LIMCH1: variants seen among roughly 807,000 people sequenced by gnomAD.
LIMCH1 encodes LIM and calponin homology domains-containing protein 1.
Under a neutral mutation model 176.5 loss-of-function variants are expected in LIMCH1, and 113 were observed. That is an observed-to-expected ratio of 0.64 (90% CI 0.55 to 0.75). LIMCH1 has a LOEUF of 0.75. Among genes scored for constraint, LIMCH1 ranks in the 30% least tolerant of loss-of-function variants. The pLI is 0.00. For missense variants in LIMCH1, 1,674 were observed against 1,814.9 expected (o/e 0.92, Z 1.41); for synonymous variants, 619 against 645.9 (o/e 0.96, Z 0.63).
At chr4:41,374,895 C>G (rs77696221) in intron 1 of LIMCH1, among the ~76,000 whole-genome samples, 3,615 of 152,288 alleles carry the variant, frequency 0.024, 73 homozygotes, top group Middle Eastern at 0.051. Flanking sequence ...TCTTTACACC[C>G]TCTGGGCAGA....
At chr4:41,504,191 C>T (rs2073841910) in intron 2 of LIMCH1, among the ~76,000 whole-genome samples, 1 of 152,210 alleles carries the variant, frequency 6.6e-6, no homozygotes, top group Non-Finnish European at 1.5e-5. Context: ...TCTGTCCAAC[C>T]TCAGGGTCTG....
At chr4:41,466,604 T>C (rs1219329972) in intron 1 of LIMCH1, among the ~76,000 whole-genome samples, 11 of 152,210 alleles carry the variant, frequency 7.2e-5, no homozygotes, top group African/African-American at 1.9e-4. Flanking sequence ...TGCTTCACTT[T>C]ATCTCAAAAG....
Position 41,687,851 on chromosome 4 carries a change from G to A in LIMCH1, c.4100G>A (p.Arg1367Gln), listed in dbSNP as rs369048287. Reference protein sequence around the residue: ...SPSERRKKSPREHFQAGPFSP... With the variant: ...SPSERRKKSPQEHFQAGPFSP... ...TTACCACATTACAGGAAAAGTCCCC[G>A]AGAGCACTTCCAGGCTGGGCCTTTC... The change falls in exon 29 of 32, where the codon CGA becomes CAA. Residue 1367 changes from arginine to glutamine, a missense_variant. This residue lies in a region of LIMCH1 where 1,015 missense variants were observed against 1,102.5 expected (regional missense o/e 0.92). Transcript: ENST00000503057. 60 of 1,612,742 alleles carry A rather than the reference G, an allele frequency of 3.7e-5. No homozygotes were observed. The highest frequency in any genetic ancestry group is 1.6e-4 in the Middle Eastern group (1 of 6,074).
At chr4:41,451,570 A>C (rs925924814) in intron 1 of LIMCH1, among the ~76,000 whole-genome samples, 1 of 151,898 alleles carries the variant, frequency 6.6e-6, no homozygotes, top group African/African-American at 2.4e-5. Flanking sequence ...CTTCTCCCCC[A>C]TGGAGTGCTG....
intron 1 of LIMCH1, among the ~76,000 whole-genome samples, chr4:41,556,966 C>T (rs1216877231): frequency 5.3e-5 from 8 of 152,116 alleles, no homozygotes; most frequent in African/African-American, 1.2e-4. Context: ...TAATAGAGCT[C>T]TTTATATAGC....
chr4:41,649,369 C>T (rs892659314), intron 17 of LIMCH1, among the ~76,000 whole-genome samples: 1 of 152,148 alleles, frequency 6.6e-6, no homozygotes, highest in Non-Finnish European at 1.5e-5. Flanking sequence ...CACTCCACTC[C>T]AGCCTGGGTG....
chr4:41,663,537 A>T (rs1329869134), intron 20 of LIMCH1, among the ~76,000 whole-genome samples: 18 of 152,172 alleles, frequency 1.2e-4, no homozygotes, highest in Non-Finnish European at 2.2e-4. Context: ...GATTTGGATA[A>T]CAAGAAACCT....
chr4:41,480,203 G>T (rs944393997), intron 1 of LIMCH1, among the ~76,000 whole-genome samples: 8 of 152,144 alleles, frequency 5.3e-5, no homozygotes, highest in Non-Finnish European at 1.2e-4. Flanking sequence ...GAAGCCATTT[G>T]TCCAGTTCCC....
chr4:41,470,215 A>C (rs1403835966), intron 1 of LIMCH1, among the ~76,000 whole-genome samples: 1 of 152,164 alleles, frequency 6.6e-6, no homozygotes, highest in African/African-American at 2.4e-5. Flanking sequence ...AGCTTTGTCA[A>C]CGGATCACTT....
intron 1 of LIMCH1, among the ~76,000 whole-genome samples, chr4:41,409,048 T>C (rs528486467): frequency 6.6e-6 from 1 of 152,338 alleles, no homozygotes; most frequent in South Asian, 2.1e-4. Flanking sequence ...GCTGTGTACA[T>C]GGGCTGTGTA....
At chr4:41,645,520 A>G (rs1036356864) in intron 15 of LIMCH1, among the ~76,000 whole-genome samples, 1 of 152,154 alleles carries the variant, frequency 6.6e-6, no homozygotes, top group African/African-American at 2.4e-5. Context: ...CAAAGCATGG[A>G]AAAGACAGAG....
At chr4:41,537,357 ATG>A (rs2078064255), upstream of LIMCH1, among the ~76,000 whole-genome samples, 1 of 152,246 alleles carries the variant, frequency 6.6e-6, no homozygotes, top group Non-Finnish European at 1.5e-5. Flanking sequence ...GAAATAGTTC[ATG>A]TCCTTTAGGG....
chr4:41,666,504 TG>T, intron 20 of LIMCH1, 56 bp from the exon 21 acceptor site: 1 of 1,042,820 alleles, frequency 9.6e-7, no homozygotes. Context: ...GTGTGTCACC[TG>T]TGCATTTATC....
At chr4:41,450,925 C>T (rs1218994704) in intron 1 of LIMCH1, among the ~76,000 whole-genome samples, 2 of 151,424 alleles carry the variant, frequency 1.3e-5, no homozygotes, top group Non-Finnish European at 2.9e-5. Flanking sequence ...TGATAATTCC[C>T]TTTGTGTATA....
chr4:41,558,630 CCT>C (rs1350749616), intron 1 of LIMCH1, among the ~76,000 whole-genome samples: 2 of 152,092 alleles, frequency 1.3e-5, no homozygotes, highest in African/African-American at 4.8e-5. Flanking sequence ...TCACTGAAGC[CCT>C]GTTAGGTGCT....
At chr4:41,659,273 C>T (rs1329625861) in intron 18 of LIMCH1, among the ~76,000 whole-genome samples, 2 of 152,074 alleles carry the variant, frequency 1.3e-5, no homozygotes, top group African/African-American at 4.8e-5. Flanking sequence ...ATGCATATTT[C>T]CTGCCTAGGG....
At chr4:41,421,350 G>T (rs192971036) in intron 1 of LIMCH1, among the ~76,000 whole-genome samples, 14 of 152,322 alleles carry the variant, frequency 9.2e-5, no homozygotes, top group African/African-American at 3.4e-4. Flanking sequence ...TCAGATCGCT[G>T]ATTCAGGTGA....
intron 1 of LIMCH1, among the ~76,000 whole-genome samples, chr4:41,489,518 C>A (rs1262786678): frequency 6.6e-6 from 1 of 151,968 alleles, no homozygotes; most frequent in African/African-American, 2.4e-5. Flanking sequence ...ATTGTAATTT[C>A]TTTTTGATTT....
chr4:41,461,920 C>T (rs896894102), intron 1 of LIMCH1, among the ~76,000 whole-genome samples: 5 of 152,172 alleles, frequency 3.3e-5, no homozygotes, highest in Non-Finnish European at 7.4e-5. Flanking sequence ...TCATCAGGGC[C>T]TCACCCATGA....
Sources: gnomAD v4.1 joint callset for allele counts (sites outside exome capture counted in the v4.1 genomes callset) on GRCh38, gnomAD v4.1.1 for gene constraint, gnomAD v4.1.1 regional missense constraint, MANE v1.5 for transcripts, NCBI Gene and HGNC (gene_info 2026-07-23, HGNC 2026-07-21) for gene names.